The following ZNF366 variants were observed in gnomAD, a reference collection of about 807,000 sequenced individuals.
The protein encoded by ZNF366 is dendritic cell-specific transcript protein.
In ZNF366, 20 loss-of-function variants were observed where a neutral mutation model predicts 47.2. The observed-to-expected ratio is 0.42, with a 90% CI of 0.30 to 0.62. The LOEUF (loss-of-function observed/expected upper bound fraction) is 0.62. ZNF366 is among the 20% of genes least tolerant of loss of function. The probability of loss-of-function intolerance (pLI) is 0.16; values close to 1 mark genes in which losing one functional copy is unlikely to be tolerated. For missense variants in ZNF366, 987 were observed against 976.3 expected, an observed-to-expected ratio of 1.01 and a Z score of -0.15; for synonymous variants, 421 against 395.1, an observed-to-expected ratio of 1.07 and a Z score of -0.78.
At chr5:72,456,327 G>A in intron 3 of ZNF366, 77 bp downstream of exon 3, 2 of 1,504,922 alleles carry the variant, frequency 1.3e-6, no homozygotes, top group Non-Finnish European at 1.8e-6. Context: ...ATGAAACAGA[G>A]TAGAAGGCTC....
intron 1 of ZNF366, among the ~76,000 whole-genome samples, chr5:72,490,179 G>A (rs1743977358): frequency 6.6e-6 from 1 of 152,174 alleles, no homozygotes; most frequent in Admixed American, 6.5e-5. Flanking sequence ...GGTCAATGTT[G>A]CTGCTTTGGC....
intron 1 of ZNF366, among the ~76,000 whole-genome samples, chr5:72,470,610 C>T (rs1580243262): frequency 6.6e-6 from 1 of 152,328 alleles, no homozygotes; most frequent in East Asian, 1.9e-4. Context: ...CCTGGTGCCT[C>T]ATACATGGTT....
At chr5:72,450,808 A>C (rs1037281374) in intron 3 of ZNF366, among the ~76,000 whole-genome samples, 1 of 152,202 alleles carries the variant, frequency 6.6e-6, no homozygotes, top group Non-Finnish European at 1.5e-5. Context: ...ACCCAAGTGT[A>C]TGGAGATATT....
chr5:72,495,799 A>G (rs1421026126), intron 1 of ZNF366, among the ~76,000 whole-genome samples: 1 of 152,182 alleles, frequency 6.6e-6, no homozygotes, highest in Non-Finnish European at 1.5e-5. Flanking sequence ...ACTATAAAAG[A>G]GCTGGTATGG....
At chr5:72,470,115 T>C (rs940323202) in intron 1 of ZNF366, among the ~76,000 whole-genome samples, 1 of 152,170 alleles carries the variant, frequency 6.6e-6, no homozygotes, top group Non-Finnish European at 1.5e-5. Flanking sequence ...CATTAGAAAA[T>C]ATACTTCTAC....
chr5:72,462,902 C>T (rs1406690529), intron 1 of ZNF366, among the ~76,000 whole-genome samples: 4 of 152,248 alleles, frequency 2.6e-5, no homozygotes, highest in African/African-American at 9.6e-5. Context: ...GAACCAAGTG[C>T]TAACTCCACA....
chr5:72,478,030 A>C (rs1413739054), intron 1 of ZNF366, among the ~76,000 whole-genome samples: 2 of 152,078 alleles, frequency 1.3e-5, no homozygotes, highest in African/African-American at 4.8e-5. Context: ...TTTTTAATGA[A>C]TCCTATTTCT....
chr5:72,444,186 G>T lies in ZNF366; in HGVS notation c.1805C>A (p.Pro602Gln). ...ACTCTCCCCGTCTGACTGGAACACC[G>T]GCACCTTGGCCCGGCGCTTCTGAGA... ...DLSQKRRAKV[P>Q]VFQSDGESAQ... The change falls in exon 5 of 5, where the codon CCG becomes CAG. Residue 602 changes from proline (P) to glutamine (Q), a missense_variant. This residue lies in a region of ZNF366 where 285 missense variants were observed against 234.8 expected (regional missense o/e 1.21). Coordinates refer to ENST00000318442, the MANE Select transcript of ZNF366 (RefSeq NM_152625.3). The T allele has an allele frequency of 6.2e-7, 1 of 1,613,448 alleles. No homozygotes were observed. Among genetic ancestry groups the T allele is most frequent in the Non-Finnish European group, 8.5e-7 (1 of 1,180,036 alleles).
At chr5:72,462,547 C>CTTTCTTTCTTTTTTTCT (rs11275151) in intron 1 of ZNF366, among the ~76,000 whole-genome samples, 4 of 78,930 alleles carry the variant, frequency 5.1e-5, no homozygotes, top group African/African-American at 2.4e-4. Context: ...TTCTTTCTTT[C>CTTTCTTTCTTTTTTTCT]TTTTTTTTTT....
intron 1 of ZNF366, among the ~76,000 whole-genome samples, chr5:72,490,691 C>G (rs943228941): frequency 6.6e-6 from 1 of 152,180 alleles, no homozygotes; most frequent in Non-Finnish European, 1.5e-5. Flanking sequence ...CTGTTGTGTG[C>G]TTTGCAGAAT....
chr5:72,466,181 A>G (rs1743423658), intron 1 of ZNF366, among the ~76,000 whole-genome samples: 1 of 152,200 alleles, frequency 6.6e-6, no homozygotes, highest in Non-Finnish European at 1.5e-5. Flanking sequence ...ACAGCAGCGA[A>G]GGTGAACCAC....
chr5:72,494,129 CAT>C (rs1182725985), intron 1 of ZNF366: 1 of 151,972 alleles, frequency 6.6e-6, no homozygotes, highest in Non-Finnish European at 1.5e-5. Flanking sequence ...CGTAACATAA[CAT>C]ATACCATAAC....
intron 1 of ZNF366, among the ~76,000 whole-genome samples, chr5:72,485,885 A>AG (rs915316364): frequency 6.6e-6 from 1 of 152,046 alleles, no homozygotes; most frequent in African/African-American, 2.4e-5. Context: ...CTCCTACCCC[A>AG]GGGCCTTTCA....
Position 72,468,615 on chromosome 5 carries a change from T to C in ZNF366, c.-14-7105A>G, listed in dbSNP as rs1475036795. ...AATGTATATATTGATAAGAAGCCCT[T>C]AGTAAAAAAATTATCAACAACAGAT... On this transcript the variant is annotated intron_variant, in intron 1 of 4. Transcript: ENST00000318442. Among the ~76,000 whole-genome samples the C allele has an allele frequency of 2.6e-5, 4 of 152,236 alleles. 1 individual carries two copies. Among genetic ancestry groups the C allele is most frequent in the Admixed American group, 2.0e-4 (3 of 15,288 alleles).
intron 1 of ZNF366, among the ~76,000 whole-genome samples, chr5:72,473,299 C>T (rs753320597): frequency 6.6e-6 from 1 of 152,190 alleles, no homozygotes; most frequent in Non-Finnish European, 1.5e-5. Context: ...TGTGGAGCTC[C>T]TGTACCCACT....
rs1742864334 is a variant in ZNF366, at chr5:72,442,065, G to A, written c.*1691C>T. On this transcript the variant is annotated 3_prime_UTR_variant, in exon 5 of 5. Coordinates refer to ENST00000318442, the MANE Select transcript of ZNF366 (RefSeq NM_152625.3). ...GTCATGCATTTTTTAAACATAGTAAGTGACCATAAACATCACAGGCATCAT... is the reference window on the plus strand; with the variant it reads ...GTCATGCATTTTTTAAACATAGTAAATGACCATAAACATCACAGGCATCAT... The A allele has an allele frequency of 6.6e-6, 1 of 151,966 alleles. No homozygotes were observed. Among genetic ancestry groups the A allele is most frequent in the Admixed American group, 6.6e-5 (1 of 15,258 alleles). The allele number at this position is 151,966 out of a possible 1,614,324, so 9.4% of individuals were successfully genotyped here.
chr5:72,502,663 G>A (rs1744231106), intron 1 of ZNF366, among the ~76,000 whole-genome samples: 1 of 152,090 alleles, frequency 6.6e-6, no homozygotes, highest in South Asian at 2.1e-4. Context: ...TTGTAAAATA[G>A]GCTCATCACA....
At chr5:72,471,159 C>T (rs998452519) in intron 1 of ZNF366, among the ~76,000 whole-genome samples, 1 of 152,180 alleles carries the variant, frequency 6.6e-6, no homozygotes, top group Admixed American at 6.5e-5. Flanking sequence ...AATGCTCATT[C>T]GCTTTGTGGA....
chr5:72,462,549 T>TTC (rs1172924038), intron 1 of ZNF366, among the ~76,000 whole-genome samples: 127 of 138,926 alleles, frequency 9.1e-4, no homozygotes, highest in African/African-American at 3.4e-3. Context: ...CTTTCTTTCT[T>TTC]TTTTTTTTTT....
Sources: allele counts gnomAD v4.1 joint callset (sites outside exome capture counted in the v4.1 genomes callset), GRCh38; gene constraint gnomAD v4.1.1; regional missense constraint gnomAD v4.1.1; transcripts MANE v1.5; gene names NCBI Gene and HGNC (gene_info 2026-07-23, HGNC 2026-07-21).